TRAPPC13: variants seen among roughly 807,000 people sequenced by gnomAD.
TRAPPC13 encodes trafficking protein particle complex subunit 13.
Under a neutral mutation model 54.0 loss-of-function variants are expected in TRAPPC13, and 39 were observed. The observed-to-expected ratio is 0.72, with a 90% CI of 0.56 to 0.94. TRAPPC13 has a LOEUF of 0.94. Ranked by LOEUF, TRAPPC13 falls within the 40% of genes least tolerant of loss-of-function variation. TRAPPC13 has a pLI of 0.00. For synonymous variants in TRAPPC13, 148 were observed against 167.7 expected (o/e 0.88, Z 0.91); for missense variants, 386 against 488.1 (o/e 0.79, Z 1.97).
intron 1 of TRAPPC13, among the ~76,000 whole-genome samples, chr5:65,633,977 G>GGTT (rs1755645144): frequency 1.2e-4 from 7 of 60,482 alleles, no homozygotes; most frequent in Admixed American, 4.6e-4. Flanking sequence ...CTCTCCCAGC[G>GGTT]TTTTTTTTTT....
At chr5:65,661,120 T>G in intron 10 of TRAPPC13, 10 of 391,992 alleles carry the variant, frequency 2.6e-5, no homozygotes, top group East Asian at 4.3e-5. Context: ...AATACACGTG[T>G]TCTTTATCAC....
chr5:65,647,497 G>A (rs994160303), intron 5 of TRAPPC13, among the ~76,000 whole-genome samples: 8 of 152,076 alleles, frequency 5.3e-5, no homozygotes, highest in African/African-American at 1.9e-4. Flanking sequence ...TGAAATGCTA[G>A]TAACTGATGT....
At chr5:65,632,680 G>A (rs1037439090) in intron 1 of TRAPPC13, among the ~76,000 whole-genome samples, 25 of 152,194 alleles carry the variant, frequency 1.6e-4, no homozygotes, top group African/African-American at 6.0e-4. Flanking sequence ...AACTTAGAGA[G>A]TACTCATGAG....
intron 1 of TRAPPC13, chr5:65,625,436 G>A (rs896512367): frequency 9.2e-6 from 3 of 327,670 alleles, no homozygotes; most frequent in African/African-American, 6.4e-5. Context: ...TTTTCCTTCT[G>A]TCTCTTGTTT....
At chr5:65,657,923 C>T (rs1406320383) in intron 8 of TRAPPC13, 1 of 154,972 alleles carries the variant, frequency 6.5e-6, no homozygotes, top group African/African-American at 2.4e-5. Flanking sequence ...ACTACACTAT[C>T]TAAATTGGCA....
chr5:65,628,893 C>T (rs546498895), intron 1 of TRAPPC13, among the ~76,000 whole-genome samples: 1 of 151,632 alleles, frequency 6.6e-6, no homozygotes, highest in Non-Finnish European at 1.5e-5. Context: ...TCTTGGCTCA[C>T]TGCAACCTCT....
chr5:65,652,460 C>T (rs1351049204), intron 6 of TRAPPC13, 41 bp from the exon 7 acceptor site: 5 of 1,391,142 alleles, frequency 3.6e-6, no homozygotes, highest in South Asian at 1.2e-5. Flanking sequence ...TAAATGGTCA[C>T]ATGATAACAA....
At chr5:65,628,847 G>A (rs1393369639) in intron 1 of TRAPPC13, among the ~76,000 whole-genome samples, 1 of 149,956 alleles carries the variant, frequency 6.7e-6, no homozygotes, top group Non-Finnish European at 1.5e-5. Flanking sequence ...TTAATGAGAT[G>A]AAGTCTTGCT....
At chr5:65,634,034 G>A (rs1195243293) in intron 1 of TRAPPC13, among the ~76,000 whole-genome samples, 1 of 130,578 alleles carries the variant, frequency 7.7e-6, no homozygotes, top group African/African-American at 3.0e-5. Flanking sequence ...CGCCCAGGCT[G>A]GAGTACAGTG....
chr5:65,638,163 A>G (rs1281206002), intron 4 of TRAPPC13, among the ~76,000 whole-genome samples: 1 of 151,670 alleles, frequency 6.6e-6, no homozygotes, highest in Admixed American at 6.6e-5. Flanking sequence ...TATATCTATT[A>G]TGTTTTTGGC....
At chr5:65,630,615 A>G in intron 1 of TRAPPC13, 1 of 1,065,412 alleles carries the variant, frequency 9.4e-7, no homozygotes, top group Non-Finnish European at 1.1e-6. Context: ...TATAGTTTGG[A>G]TTTTGGTTAA....
At chr5:65,632,555 C>A (rs1755587827) in intron 1 of TRAPPC13, among the ~76,000 whole-genome samples, 1 of 152,116 alleles carries the variant, frequency 6.6e-6, no homozygotes, top group Non-Finnish European at 1.5e-5. Context: ...AGTGAAATCA[C>A]CAGGGTTCAA....
intron 11 of TRAPPC13, chr5:65,663,822 G>A (rs37345): frequency 0.61 from 95,568 of 155,532 alleles, 29,669 homozygotes; most frequent in South Asian, 0.64. Flanking sequence ...CATAGATTAG[G>A]TATCAAAAGG....
At chr5:65,627,588 C>T (rs564042947) in intron 1 of TRAPPC13, among the ~76,000 whole-genome samples, 2 of 151,590 alleles carry the variant, frequency 1.3e-5, no homozygotes, top group Admixed American at 6.6e-5. Context: ...CGAGATTGTG[C>T]CACTGCACTC....
intron 1 of TRAPPC13, among the ~76,000 whole-genome samples, chr5:65,628,774 C>G (rs907546223): frequency 2.6e-5 from 4 of 151,694 alleles, no homozygotes; most frequent in African/African-American, 9.7e-5. Context: ...CCTGGCAAAT[C>G]TACATAATTT....
intron 3 of TRAPPC13, 132 bp downstream of exon 3, chr5:65,636,175 G>T: frequency 1.7e-6 from 1 of 597,388 alleles, no homozygotes; most frequent in Non-Finnish European, 2.8e-6. Context: ...ATGGAGTCTC[G>T]CTCTATTGCC....
chr5:65,649,417 T>G (rs1324931716), intron 5 of TRAPPC13, among the ~76,000 whole-genome samples: 1 of 152,226 alleles, frequency 6.6e-6, no homozygotes, highest in Admixed American at 6.5e-5. Context: ...GCTCTTTCAC[T>G]AAAAGATTGT....
chr5:65,635,910 G>T (rs2150668058), intron 2 of TRAPPC13, 34 bp from the exon 3 acceptor site: 1 of 1,340,986 alleles, frequency 7.5e-7, no homozygotes, highest in East Asian at 2.5e-5. Flanking sequence ...TTAAAGGGTA[G>T]ATGTTAGAAT....
At chr5:65,652,889 A>G (rs544977266) in intron 7 of TRAPPC13, among the ~76,000 whole-genome samples, 5 of 152,176 alleles carry the variant, frequency 3.3e-5, no homozygotes, top group Non-Finnish European at 5.9e-5. Context: ...CAAAAATTGA[A>G]TTAGTAGATC....
Sources: allele counts gnomAD v4.1 joint callset (sites outside exome capture counted in the v4.1 genomes callset), GRCh38; gene constraint gnomAD v4.1.1; transcripts MANE v1.5; gene names NCBI Gene and HGNC (gene_info 2026-07-23, HGNC 2026-07-21).